Variants in DPP10 observed in about 807,000 individuals in gnomAD.
The protein encoded by DPP10 is inactive dipeptidyl peptidase 10.
A neutral mutation model predicts 120.9 loss-of-function variants in DPP10; 33 were observed. That is an observed-to-expected ratio of 0.27 (90% CI 0.21 to 0.37). The LOEUF (loss-of-function observed/expected upper bound fraction) is 0.37, where lower values mean the gene tolerates loss of function less well. Ranked by LOEUF, DPP10 falls within the 10% of genes least tolerant of loss-of-function variation. The pLI is 1.00. For missense variants in DPP10, 816 were observed against 942.8 expected, an observed-to-expected ratio of 0.87 and a Z score of 1.76; for synonymous variants, 337 against 326.1, an observed-to-expected ratio of 1.03 and a Z score of -0.36.
At chr2:114,709,311 C>T (rs146070634) in intron 1 of DPP10, among the ~76,000 whole-genome samples, 180 of 152,278 alleles carry the variant, frequency 1.2e-3, no homozygotes, top group African/African-American at 3.9e-3. Flanking sequence ...TCATTGGCCT[C>T]TTTCCTCTCT....
chr2:114,774,553 A>T (rs76777059), intron 1 of DPP10, among the ~76,000 whole-genome samples: 2 of 150,892 alleles, frequency 1.3e-5, no homozygotes, highest in Admixed American at 6.7e-5. Flanking sequence ...GAGAAAATGT[A>T]AGAAACTTTC....
intron 1 of DPP10, among the ~76,000 whole-genome samples, chr2:114,593,459 A>C (rs1233315391): frequency 6.6e-6 from 1 of 152,184 alleles, no homozygotes; most frequent in East Asian, 1.9e-4. Flanking sequence ...CTTGAGGTAA[A>C]TGCACTAACG....
chr2:115,246,568 T>C (rs1288439338), intron 1 of DPP10, among the ~76,000 whole-genome samples: 1 of 151,942 alleles, frequency 6.6e-6, no homozygotes, highest in Non-Finnish European at 1.5e-5. Context: ...TAGTTGAGTG[T>C]TTATTGTAGC....
At chr2:115,696,999 C>T (rs1282126496) in intron 7 of DPP10, among the ~76,000 whole-genome samples, 1 of 151,984 alleles carries the variant, frequency 6.6e-6, no homozygotes, top group African/African-American at 2.4e-5. Flanking sequence ...TGAGGTTAAG[C>T]TTGTATAAAT....
chr2:115,481,636 T>C (rs2105272378), intron 3 of DPP10, among the ~76,000 whole-genome samples: 1 of 152,270 alleles, frequency 6.6e-6, no homozygotes, highest in Admixed American at 6.5e-5. Flanking sequence ...CCAATTATTT[T>C]GTCGACTTTT....
chr2:115,364,862 A>G (rs1286362771), intron 3 of DPP10, among the ~76,000 whole-genome samples: 1 of 152,134 alleles, frequency 6.6e-6, no homozygotes, highest in Non-Finnish European at 1.5e-5. Context: ...TTGTGAAGGT[A>G]TACTAAAAAG....
intron 5 of DPP10, among the ~76,000 whole-genome samples, chr2:115,649,915 T>G (rs2087598191): frequency 1.3e-5 from 2 of 152,144 alleles, no homozygotes. Context: ...TCAGGTCATC[T>G]GGCAAGTATC....
intron 3 of DPP10, among the ~76,000 whole-genome samples, chr2:115,354,108 A>G (rs1350354908): frequency 6.6e-6 from 1 of 152,192 alleles, no homozygotes; most frequent in African/African-American, 2.4e-5. Flanking sequence ...AATCATAATA[A>G]GAAACTGAAA....
intron 1 of DPP10, among the ~76,000 whole-genome samples, chr2:114,760,792 G>A (rs746727719): frequency 1.4e-4 from 22 of 151,846 alleles, no homozygotes; most frequent in Non-Finnish European, 2.4e-4. Flanking sequence ...GGATAAAAGC[G>A]CAACTCGATT....
At chr2:114,736,476 CAT>C (rs1157479069) in intron 1 of DPP10, among the ~76,000 whole-genome samples, 1 of 152,056 alleles carries the variant, frequency 6.6e-6, no homozygotes. Flanking sequence ...GTCAAGTAAA[CAT>C]ATTTTAATGA....
intron 3 of DPP10, among the ~76,000 whole-genome samples, chr2:115,461,016 G>T (rs1313379921): frequency 6.6e-6 from 1 of 152,064 alleles, no homozygotes; most frequent in Non-Finnish European, 1.5e-5. Context: ...ATGCCTCAAA[G>T]ATAAAAATAA....
At chr2:114,844,029 G>A (rs751809924) in intron 1 of DPP10, among the ~76,000 whole-genome samples, 1 of 152,136 alleles carries the variant, frequency 6.6e-6, no homozygotes, top group Non-Finnish European at 1.5e-5. Context: ...TTTACACTGT[G>A]CCTTCTCTAA....
At chr2:115,568,925 C>A (rs189918060) in intron 5 of DPP10, among the ~76,000 whole-genome samples, 46 of 152,258 alleles carry the variant, frequency 3.0e-4, no homozygotes, top group African/African-American at 1.0e-3. Flanking sequence ...TTAATCCTTT[C>A]TTATTCTGTG....
At chr2:114,979,381 A>T (rs575188017) in intron 1 of DPP10, among the ~76,000 whole-genome samples, 82 of 152,060 alleles carry the variant, frequency 5.4e-4, no homozygotes, top group Non-Finnish European at 1.5e-4. Flanking sequence ...GTTTCCTATC[A>T]TTTTGTTACT....
intron 1 of DPP10, among the ~76,000 whole-genome samples, chr2:114,455,377 T>A (rs1265262644): frequency 6.6e-6 from 1 of 152,006 alleles, no homozygotes; most frequent in Admixed American, 6.6e-5. Context: ...AAACCCTGTC[T>A]CTACTAAAAA....
intron 7 of DPP10, among the ~76,000 whole-genome samples, chr2:115,709,142 C>A (rs976322010): frequency 6.6e-6 from 1 of 152,078 alleles, no homozygotes; most frequent in African/African-American, 2.4e-5. Flanking sequence ...TAGGATTCCT[C>A]CATTTTGTTA....
intron 1 of DPP10, among the ~76,000 whole-genome samples, chr2:114,991,063 C>T (rs945631660): frequency 6.6e-6 from 1 of 152,160 alleles, no homozygotes; most frequent in Non-Finnish European, 1.5e-5. Context: ...TCTATAACTA[C>T]ATAACAGAAA....
At chr2:114,867,047 G>T (rs1690297996) in intron 1 of DPP10, among the ~76,000 whole-genome samples, 1 of 152,156 alleles carries the variant, frequency 6.6e-6, no homozygotes, top group Non-Finnish European at 1.5e-5. Context: ...CTGTATTAAT[G>T]AACAAGGTGC....
chr2:114,784,234 A>G (rs370918974), intron 1 of DPP10, among the ~76,000 whole-genome samples: 2 of 152,088 alleles, frequency 1.3e-5, no homozygotes, highest in African/African-American at 4.8e-5. Flanking sequence ...TGACTCCCTC[A>G]GCTATCACTC....
Sources: allele counts gnomAD v4.1 joint callset (sites outside exome capture counted in the v4.1 genomes callset), GRCh38; gene constraint gnomAD v4.1.1; transcripts MANE v1.5; gene names NCBI Gene and HGNC (gene_info 2026-07-23, HGNC 2026-07-21).